Variants in ANKRD30B observed in about 807,000 individuals in gnomAD.
The protein encoded by ANKRD30B is ankyrin repeat domain-containing protein 30B.
Under a neutral mutation model 202.2 loss-of-function variants are expected in ANKRD30B, and 144 were observed. That is an observed-to-expected ratio of 0.71 (90% CI 0.62 to 0.82). ANKRD30B has a LOEUF of 0.82. Among genes scored for constraint, ANKRD30B ranks in the 40% least tolerant of loss-of-function variants. The pLI is 0.00. For missense variants in ANKRD30B, 1,487 were observed against 1,669.1 expected (o/e 0.89, Z 1.90); for synonymous variants, 508 against 561.3 (o/e 0.91, Z 1.34).
intron 15 of ANKRD30B, among the ~76,000 whole-genome samples, chr18:14,787,705 T>G (rs928195909): frequency 6.6e-6 from 1 of 152,174 alleles, no homozygotes; most frequent in Non-Finnish European, 1.5e-5. Flanking sequence ...ATAGAACTCC[T>G]TGAGTCACTT....
chr18:14,897,053 T>G, the ANKRD30B span, among the ~76,000 whole-genome samples: 1 of 150,542 alleles, frequency 6.6e-6, no homozygotes, highest in African/African-American at 2.4e-5. Context: ...AGAGCTTGAA[T>G]TAGATCTTGA....
the ANKRD30B span, among the ~76,000 whole-genome samples, chr18:14,872,929 T>C: frequency 6.6e-6 from 1 of 152,140 alleles, no homozygotes; most frequent in Non-Finnish European, 1.5e-5. Flanking sequence ...AATGGAGACA[T>C]CTCAGGTAGG....
At position 14,791,144 on chromosome 18, in the gene ANKRD30B, A is replaced by G. The variant is rs570803801; in HGVS notation, c.1735-257A>G. On this transcript the variant is annotated intron_variant, in intron 15 of 43. Transcript: ENST00000690538. ...GGAGGGTGTATGTGTTGAGGAATTT[A>G]TCCATTTCTTCTAGATTTTCTAGTT... 2.6e-5 allele frequency among the ~76,000 whole-genome samples: 4 copies of G among 152,194 alleles called. No homozygotes were observed. In the South Asian group the frequency reaches 8.3e-4, roughly 32 times the overall value.
At chr18:14,923,417 G>C in the ANKRD30B span, among the ~76,000 whole-genome samples, 3 of 152,318 alleles carry the variant, frequency 2.0e-5, no homozygotes, top group East Asian at 3.9e-4. Flanking sequence ...AGGCTTCACT[G>C]CCTGTGGAAA....
At chr18:14,920,225 G>A in the ANKRD30B span, among the ~76,000 whole-genome samples, 1 of 152,212 alleles carries the variant, frequency 6.6e-6, no homozygotes, top group Non-Finnish European at 1.5e-5. Context: ...ACTGGGTGTT[G>A]TGTGAAGCAC....
the ANKRD30B span, among the ~76,000 whole-genome samples, chr18:14,893,928 C>G: frequency 4.5e-4 from 67 of 150,032 alleles, no homozygotes; most frequent in Non-Finnish European, 9.6e-4. Context: ...ACATAATGTC[C>G]ATGATAGCAT....
chr18:14,926,686 A>G, the ANKRD30B span, among the ~76,000 whole-genome samples: 3 of 152,312 alleles, frequency 2.0e-5, no homozygotes, highest in Middle Eastern at 3.4e-3. Flanking sequence ...CAACTTTGGG[A>G]GGCCATGGTG....
the ANKRD30B span, among the ~76,000 whole-genome samples, chr18:14,868,860 G>A: frequency 4.9e-4 from 74 of 152,380 alleles, no homozygotes; most frequent in Admixed American, 2.5e-3. Context: ...GGCTTCTATG[G>A]CCAGGAAGTG....
At chr18:14,797,578 T>A in intron 18 of ANKRD30B, 83 bp from the exon 19 acceptor site, 1 of 1,422,386 alleles carries the variant, frequency 7.0e-7, no homozygotes, top group East Asian at 2.3e-5. Flanking sequence ...TGAGGATTCA[T>A]CTTCATATTC....
chr18:14,896,679 A>G, the ANKRD30B span, among the ~76,000 whole-genome samples: 4 of 145,176 alleles, frequency 2.8e-5, 1 homozygote, highest in African/African-American at 1.0e-4. Context: ...TTTTTGTGAA[A>G]TATGGACAGT....
At chr18:14,880,864 G>A in the ANKRD30B span, among the ~76,000 whole-genome samples, 2 of 152,140 alleles carry the variant, frequency 1.3e-5, no homozygotes, top group African/African-American at 4.8e-5. Context: ...AAGGGATTGA[G>A]TTCTTGATGT....
Position 14,848,550 on chromosome 18 carries a change from G to GT in ANKRD30B, c.3182-155dup, listed in dbSNP as rs1159848507. On this transcript the variant is annotated intron_variant, in intron 39 of 43. Transcript: ENST00000690538. Reference sequence around the variant, plus strand: ...ATATTTTAAGCTAAACAAGAGCAGAGTTTTTTTTTTTCTGTTTAATCTGCA... The same window carrying GT: ...ATATTTTAAGCTAAACAAGAGCAGAGTTTTTTTTTTTTCTGTTTAATCTGCA... Among the ~76,000 whole-genome samples, 252 of 142,232 alleles carry GT rather than the reference G, an allele frequency of 1.8e-3. 1 individual carries two copies. Among genetic ancestry groups the GT allele is most frequent in the African/African-American group, 3.7e-3 (142 of 38,556 alleles). The allele number at this position is 142,232 out of a possible 152,430, so 93.3% of individuals were successfully genotyped here. A position where few individuals can be genotyped will look rare whatever the true frequency, so the allele number is the denominator to read the frequency against.
chr18:14,873,544 AAG>A, the ANKRD30B span, among the ~76,000 whole-genome samples: 2 of 149,294 alleles, frequency 1.3e-5, no homozygotes, highest in East Asian at 2.0e-4. Flanking sequence ...AAAAAAAAAA[AAG>A]AGAGAATTTG....
Position 14,849,232 on chromosome 18 carries a change from C to T in ANKRD30B, c.3395+303C>T, listed in dbSNP as rs540156442. ...TTTTTGTATTATAAATGCTACAAGA[C>T]ATAACTGCATGTAAATCTTTTTCTA... On this transcript the variant is annotated intron_variant, in intron 40 of 43. Coordinates refer to ENST00000690538, the MANE Select transcript of ANKRD30B (RefSeq NM_001367607.2). Among the ~76,000 whole-genome samples the T allele has an allele frequency of 4.6e-5, 7 of 151,952 alleles. No individual in the cohort carries two copies. The South Asian group carries it at 1.5e-3, about 32-fold the overall frequency.
chr18:14,860,547 A>G, the ANKRD30B span, among the ~76,000 whole-genome samples: 1 of 149,182 alleles, frequency 6.7e-6, no homozygotes. Flanking sequence ...GTGGCCGGGC[A>G]GAGGCGTTAC....
At chr18:14,881,736 CT>C in the ANKRD30B span, among the ~76,000 whole-genome samples, 22 of 145,612 alleles carry the variant, frequency 1.5e-4, no homozygotes, top group East Asian at 1.6e-3. Flanking sequence ...TGGTCCTCGG[CT>C]TTTTTTTTTG....
chr18:14,837,450 T>C (rs1349816348), intron 35 of ANKRD30B, among the ~76,000 whole-genome samples, 161 bp downstream of exon 35: 1 of 151,960 alleles, frequency 6.6e-6, no homozygotes, highest in Non-Finnish European at 1.5e-5. Context: ...TCTTTCTTCA[T>C]ACTATCAACT....
At chr18:14,925,595 C>G in the ANKRD30B span, among the ~76,000 whole-genome samples, 2 of 152,224 alleles carry the variant, frequency 1.3e-5, no homozygotes, top group East Asian at 3.9e-4. Flanking sequence ...GCAAGGCCCA[C>G]AGGGTTGTGG....
Position 14,837,792 on chromosome 18 carries a change from G to T in ANKRD30B, c.2988+116G>T, listed in dbSNP as rs9748787. ...TCTGATTATGTCCATAAGGCGGGTG[G>T]ATCACGAGGTCAGGAGATCGAGACC... is the stretch of plus-strand genomic sequence containing the variant. On this transcript the variant is annotated intron_variant, in intron 36 of 43. Coordinates refer to ENST00000690538, the MANE Select transcript of ANKRD30B (RefSeq NM_001367607.2). 3.4e-4 allele frequency: 418 copies of T among 1,228,712 alleles called. 1 individual carries two copies. In the African/African-American group the frequency reaches 5.8e-3, roughly 17 times the overall value. 76.1% of individuals were successfully genotyped at this position (1,228,712 alleles called of 1,614,324 possible). A position where few individuals can be genotyped will look rare whatever the true frequency, so the allele number is the denominator to read the frequency against.
Sources: gnomAD v4.1 joint callset for allele counts (sites outside exome capture counted in the v4.1 genomes callset) on GRCh38, gnomAD v4.1.1 for gene constraint, MANE v1.5 for transcripts, NCBI Gene and HGNC (gene_info 2026-07-23, HGNC 2026-07-21) for gene names.